The following C12orf42 variants were observed in gnomAD, a reference collection of about 807,000 sequenced individuals.
C12orf42 encodes the protein uncharacterized protein C12orf42.
In C12orf42, 25 loss-of-function variants were observed where a neutral mutation model predicts 21.6. That is an observed-to-expected ratio of 1.16 (90% confidence interval 0.84 to 1.62). The LOEUF (loss-of-function observed/expected upper bound fraction) is 1.62, where lower values mean the gene tolerates loss of function less well. C12orf42 is among the 40% of genes most tolerant of loss of function. The pLI, the probability that C12orf42 is intolerant of heterozygous loss-of-function variation, is 0.00. For synonymous variants in C12orf42, 174 were observed against 175.0 expected (o/e 0.99, Z 0.05); for missense variants, 483 against 459.3 (o/e 1.05, Z -0.47).
the C12orf42 span, among the ~76,000 whole-genome samples, chr12:103,129,503 C>A: frequency 6.6e-5 from 10 of 152,142 alleles, no homozygotes; most frequent in South Asian, 2.1e-4. Flanking sequence ...CCAAAGTTTT[C>A]CCAATCAGTA....
At chr12:103,506,466 T>C in the C12orf42 span, among the ~76,000 whole-genome samples, 2 of 151,976 alleles carry the variant, frequency 1.3e-5, no homozygotes, top group Non-Finnish European at 2.9e-5. Context: ...AAGATTATAA[T>C]ATCTTATCAT....
chr12:103,209,101 C>T, the C12orf42 span, among the ~76,000 whole-genome samples: 1 of 152,118 alleles, frequency 6.6e-6, no homozygotes, highest in Non-Finnish European at 1.5e-5. Flanking sequence ...ATTAATGCAA[C>T]TCCAATGTGG....
At chr12:103,492,831 C>T (rs1955268233) in intron 1 of C12orf42, among the ~76,000 whole-genome samples, 3 of 152,154 alleles carry the variant, frequency 2.0e-5, no homozygotes, top group Admixed American at 2.0e-4. Context: ...TTGATCCACA[C>T]CCCCATCTTG....
At chr12:103,148,461 CT>C in the C12orf42 span, among the ~76,000 whole-genome samples, 51 of 152,018 alleles carry the variant, frequency 3.4e-4, 1 homozygote, top group African/African-American at 1.2e-3. Flanking sequence ...CTATACTGAT[CT>C]TTTTTGATGG....
chr12:103,444,611 A>G (rs966015295), intron 2 of C12orf42, among the ~76,000 whole-genome samples: 1 of 152,080 alleles, frequency 6.6e-6, no homozygotes, highest in Non-Finnish European at 1.5e-5. Context: ...TTCTGTGGCC[A>G]TACTCATGTT....
At chr12:103,089,634 TG>T in the C12orf42 span, among the ~76,000 whole-genome samples, 1 of 151,860 alleles carries the variant, frequency 6.6e-6, no homozygotes, top group African/African-American at 2.4e-5. Flanking sequence ...TGTGTGTGTG[TG>T]TGTGTGTGTG....
At chr12:103,512,677 C>T in the C12orf42 span, among the ~76,000 whole-genome samples, 38 of 152,060 alleles carry the variant, frequency 2.5e-4, no homozygotes, top group Non-Finnish European at 5.4e-4. Flanking sequence ...GTAAGGATTG[C>T]TGTTGTGGTG....
chr12:103,136,002 C>A, the C12orf42 span, among the ~76,000 whole-genome samples: 1 of 152,240 alleles, frequency 6.6e-6, no homozygotes, highest in East Asian at 1.9e-4. Flanking sequence ...TGACACAAGA[C>A]AAGAGACTCA....
At chr12:103,411,420 C>A (rs905544139) in intron 2 of C12orf42, among the ~76,000 whole-genome samples, 4 of 152,064 alleles carry the variant, frequency 2.6e-5, no homozygotes, top group South Asian at 4.1e-4. Flanking sequence ...AGTTACTATG[C>A]AGAAGTAAAA....
At chr12:103,157,984 AC>A in the C12orf42 span, among the ~76,000 whole-genome samples, 6 of 152,222 alleles carry the variant, frequency 3.9e-5, no homozygotes, top group Admixed American at 3.9e-4. Context: ...TTACTCTCTC[AC>A]AAAGAAATAT....
chr12:103,063,206 C>T, the C12orf42 span, among the ~76,000 whole-genome samples: 2 of 152,110 alleles, frequency 1.3e-5, no homozygotes, highest in Admixed American at 1.3e-4. Context: ...ATTCTAATTC[C>T]CGGCTTCAGA....
chr12:103,381,714 G>A (rs1004390945), intron 3 of C12orf42, among the ~76,000 whole-genome samples: 8 of 152,072 alleles, frequency 5.3e-5, no homozygotes, highest in African/African-American at 1.4e-4. Flanking sequence ...TCAGGAGATC[G>A]AGACCATCCT....
the C12orf42 span, among the ~76,000 whole-genome samples, chr12:103,068,341 G>T: frequency 6.6e-6 from 1 of 152,186 alleles, no homozygotes; most frequent in Admixed American, 6.5e-5. Context: ...TAGCATTTGG[G>T]TTTGGGATTG....
chr12:103,531,973 C>T, the C12orf42 span, among the ~76,000 whole-genome samples: 1 of 152,282 alleles, frequency 6.6e-6, no homozygotes, highest in African/African-American at 2.4e-5. Flanking sequence ...ATAAGGCAGA[C>T]TCTGCTGCAA....
chr12:103,114,833 G>C, the C12orf42 span, among the ~76,000 whole-genome samples: 2 of 152,288 alleles, frequency 1.3e-5, no homozygotes, highest in East Asian at 1.9e-4. Context: ...TCCACCCAGG[G>C]ACAGTGGCTC....
chr12:103,501,456 T>G, the C12orf42 span, among the ~76,000 whole-genome samples: 2 of 152,164 alleles, frequency 1.3e-5, no homozygotes, highest in Non-Finnish European at 2.9e-5. Context: ...TATGGTGGAT[T>G]TAAAGCTCTC....
At chr12:103,231,657 C>T in the C12orf42 span, among the ~76,000 whole-genome samples, 1 of 152,076 alleles carries the variant, frequency 6.6e-6, no homozygotes, top group Non-Finnish European at 1.5e-5. Flanking sequence ...CTTTTTAGCA[C>T]TCATCATGAT....
At chr12:103,481,003 G>T (rs1287592314) in intron 1 of C12orf42, among the ~76,000 whole-genome samples, 1 of 151,424 alleles carries the variant, frequency 6.6e-6, no homozygotes, top group Non-Finnish European at 1.5e-5. Context: ...AATGTATTGG[G>T]TCTTTCTATT....
At chr12:103,464,488 G>A (rs902574577) in intron 2 of C12orf42, among the ~76,000 whole-genome samples, 6 of 150,428 alleles carry the variant, frequency 4.0e-5, no homozygotes, top group Admixed American at 4.0e-4. Context: ...TAGATAGATT[G>A]CAAAAATTTT....
Sources: gnomAD v4.1 joint callset for allele counts (sites outside exome capture counted in the v4.1 genomes callset) on GRCh38, gnomAD v4.1.1 for gene constraint, MANE v1.5 for transcripts, NCBI Gene and HGNC (gene_info 2026-07-23, HGNC 2026-07-21) for gene names.